MPDZ: variants seen among roughly 807,000 people sequenced by gnomAD.
The protein encoded by MPDZ is multiple PDZ domain protein.
MPDZ carries 234 observed loss-of-function variants against 239.1 expected under a neutral mutation model. That is an observed-to-expected ratio of 0.98 (90% confidence interval 0.88 to 1.09). The LOEUF is 1.09. Among genes scored for constraint, MPDZ ranks in the 50% least tolerant of loss-of-function variants. The pLI is 0.00. For missense variants in MPDZ, 3,175 were observed against 2,510.0 expected (o/e 1.26, Z -5.66); for synonymous variants, 1,048 against 881.3 (o/e 1.19, Z -3.35).
At chr9:13,113,823 G>T in intron 41 of MPDZ, 108 bp downstream of exon 41, 1 of 833,870 alleles carries the variant, frequency 1.2e-6, no homozygotes, top group Non-Finnish European at 1.9e-6. Flanking sequence ...ACCTATATTT[G>T]GATATGGGAT....
intron 10 of MPDZ, among the ~76,000 whole-genome samples, chr9:13,213,624 T>C (rs995763836): frequency 4.6e-5 from 7 of 152,080 alleles, no homozygotes; most frequent in African/African-American, 1.7e-4. Context: ...GCTTATATCT[T>C]TGTAGTAAAA....
intron 10 of MPDZ, among the ~76,000 whole-genome samples, chr9:13,210,669 G>C (rs1162500251): frequency 6.6e-6 from 1 of 152,092 alleles, no homozygotes; most frequent in Non-Finnish European, 1.5e-5. Flanking sequence ...GAGTGAGCCA[G>C]GCTCAAGTCA....
intron 22 of MPDZ, among the ~76,000 whole-genome samples, chr9:13,168,015 A>G (rs1175485346): frequency 6.6e-6 from 1 of 152,100 alleles, no homozygotes; most frequent in East Asian, 1.9e-4. Flanking sequence ...GTAGGGTACA[A>G]TTCCTTATAT....
At chr9:13,235,730 T>C (rs190452299) in intron 3 of MPDZ, among the ~76,000 whole-genome samples, 2 of 152,314 alleles carry the variant, frequency 1.3e-5, no homozygotes, top group Admixed American at 1.3e-4. Context: ...AATCAAAATG[T>C]AAATTTTCTG....
intron 41 of MPDZ, 139 bp downstream of exon 41, chr9:13,113,792 T>C (rs1468658968): frequency 7.5e-6 from 5 of 667,438 alleles, no homozygotes; most frequent in Admixed American, 2.7e-5. Context: ...GTTCAGACTT[T>C]TTGCTAACAC....
At chr9:13,172,678 C>T (rs1049845675) in intron 21 of MPDZ, among the ~76,000 whole-genome samples, 5 of 152,036 alleles carry the variant, frequency 3.3e-5, no homozygotes, top group Admixed American at 2.0e-4. Context: ...TGAGCCACCG[C>T]GCCCGGCCAA....
At position 13,176,078 on chromosome 9, in the gene MPDZ, CTTA is replaced by C. The variant is rs137934358; in HGVS notation, c.2931+55_2931+57del. The C allele has an allele frequency of 1.4e-3, 2,005 of 1,481,076 alleles. 28 individuals carry two copies. In the African/African-American group the frequency reaches 0.025, roughly 19 times the overall value. The allele number at this position is 1,481,076 out of a possible 1,614,324, so 91.7% of individuals were successfully genotyped here. ...AAATGAAGAGATTAGCCAGAATAACCTTACTTCACTATTCCCTATCTCATCATA... is the reference window on the plus strand; with the variant it reads ...AAATGAAGAGATTAGCCAGAATAACCCTTCACTATTCCCTATCTCATCATA... On this transcript the variant is annotated intron_variant, in intron 20 of 46. Transcript: ENST00000319217.
chr9:13,217,282 T>C lies in MPDZ; in HGVS notation c.1099A>G (p.Thr367Ala). The C allele has an allele frequency of 6.3e-7, 1 of 1,589,684 alleles. No homozygotes were observed. The highest frequency in any genetic ancestry group is 8.6e-7 in the Non-Finnish European group (1 of 1,165,642). The change falls in exon 9 of 47, where the codon ACT becomes GCT. Residue 367 changes from threonine to alanine, a missense_variant. Thr to Ala is a moderately conservative substitution (Grantham distance 58, BLOSUM62 0). Coordinates refer to ENST00000319217, the MANE Select transcript of MPDZ (RefSeq NM_001378778.1). ...GTCTCACTTTCTTCACCTTTCTGAG[T>C]AGAAGCATCAACCTAAAATAAAATC... ...STPELRVDAS[T>A]QKGEESETFD...
At chr9:13,241,248 C>T (rs543794253) in intron 3 of MPDZ, among the ~76,000 whole-genome samples, 4 of 152,294 alleles carry the variant, frequency 2.6e-5, no homozygotes, top group South Asian at 2.1e-4. Flanking sequence ...AGATAATGCA[C>T]ACTAGAGTCT....
At chr9:13,168,004 G>C (rs530839786) in intron 22 of MPDZ, among the ~76,000 whole-genome samples, 1 of 152,142 alleles carries the variant, frequency 6.6e-6, no homozygotes, top group East Asian at 1.9e-4. Flanking sequence ...AGGTCAATTA[G>C]GTAGGGTACA....
At chr9:13,258,573 A>G (rs1969970189) in intron 1 of MPDZ, among the ~76,000 whole-genome samples, 1 of 152,252 alleles carries the variant, frequency 6.6e-6, no homozygotes. Flanking sequence ...CAATATTTAT[A>G]CTTTCAGTCA....
At chr9:13,166,467 C>A (rs1206853151) in intron 22 of MPDZ, among the ~76,000 whole-genome samples, 1 of 151,928 alleles carries the variant, frequency 6.6e-6, no homozygotes, top group Admixed American at 6.6e-5. Flanking sequence ...ATGAGTTAAG[C>A]TATAAGCATT....
At position 13,222,438 on chromosome 9, in the gene MPDZ, C is replaced by A. The variant is rs1479978096; in HGVS notation, c.542G>T (p.Arg181Ile). 1 of 1,611,332 alleles carries A rather than the reference C, an allele frequency of 6.2e-7. No individual in the cohort carries two copies. The highest frequency in any genetic ancestry group is 1.1e-5 in the South Asian group (1 of 90,938). ...AAGAATTTGATCAGTTTCTTTCAATCTTCCATCTCTATCAAGGATGCAAAA... is the reference window on the plus strand; with the variant it reads ...AAGAATTTGATCAGTTTCTTTCAATATTCCATCTCTATCAAGGATGCAAAA... ...QEGSVAHRDG[R>I]LKETDQILAI... The change falls in exon 6 of 47, where the codon AGA becomes ATA. Residue 181 changes from arginine to isoleucine, a missense_variant. Coordinates refer to ENST00000319217, the MANE Select transcript of MPDZ (RefSeq NM_001378778.1).
rs139450386 is a variant in MPDZ at position 13,109,857 on chromosome 9, G to C, written c.5942+95C>G. ...ATATATCCTATCATTTTACCTGTAC[G>C]TAATTCCTAGAAACATGGGACAGAG... On this transcript the variant is annotated intron_variant, in intron 45 of 46. Coordinates refer to ENST00000319217, the MANE Select transcript of MPDZ (RefSeq NM_001378778.1). The C allele has an allele frequency of 8.6e-6, 8 of 931,710 alleles. No homozygotes were observed. The East Asian group carries it at 2.1e-4, about 25-fold the overall frequency. The allele number at this position is 931,710 out of a possible 1,614,324, so 57.7% of individuals were successfully genotyped here.
chr9:13,172,337 T>C (rs980244038), intron 21 of MPDZ, among the ~76,000 whole-genome samples: 9 of 151,816 alleles, frequency 5.9e-5, no homozygotes, highest in African/African-American at 1.9e-4. Context: ...GTGTGAATGG[T>C]AAACTAATGG....
intron 1 of MPDZ, among the ~76,000 whole-genome samples, chr9:13,278,666 C>G (rs1008392350): frequency 3.9e-5 from 6 of 152,120 alleles, no homozygotes; most frequent in African/African-American, 1.4e-4. Context: ...GGTGAGGAGA[C>G]TAAGGGAGAG....
At chr9:13,261,867 CAAAAAA>C (rs34852528) in intron 1 of MPDZ, among the ~76,000 whole-genome samples, 1 of 98,292 alleles carries the variant, frequency 1.0e-5, no homozygotes. Flanking sequence ...CCTGTCTCTA[CAAAAAA>C]AAAAAAAAAA....
chr9:13,198,606 C>A (rs886127762), intron 12 of MPDZ, among the ~76,000 whole-genome samples: 1 of 151,888 alleles, frequency 6.6e-6, no homozygotes, highest in Admixed American at 6.6e-5. Context: ...TCCCATTTGT[C>A]CATTTTGGCT....
In MPDZ at chr9:13,220,546, C is replaced by T. The variant is rs138396924; in HGVS notation, c.877-778G>A. The stretch of plus-strand genomic sequence containing the variant: ...AAGCATGTAAATATCACATGCTAGT[C>T]AACGAGAGACATTTCATTTGATGCT... On this transcript the variant is annotated intron_variant, in intron 7 of 46. Coordinates refer to ENST00000319217, the MANE Select transcript of MPDZ (RefSeq NM_001378778.1). Among the ~76,000 whole-genome samples, 149 of 152,046 alleles carry T rather than the reference C, an allele frequency of 9.8e-4. 2 individuals carry two copies. Among genetic ancestry groups the T allele is most frequent in the African/African-American group, 3.5e-3 (145 of 41,514 alleles).
Sources: allele counts gnomAD v4.1 joint callset (sites outside exome capture counted in the v4.1 genomes callset), GRCh38; gene constraint gnomAD v4.1.1; transcripts MANE v1.5; gene names NCBI Gene and HGNC (gene_info 2026-07-23, HGNC 2026-07-21).